The following MTREX variants were observed in gnomAD, a reference collection of about 807,000 sequenced individuals.
MTREX encodes the protein Mtr4 exosome RNA helicase.
MTREX carries 76 observed loss-of-function variants against 135.4 expected under a neutral mutation model. The ratio of observed to expected loss-of-function variants is 0.56; its 90% CI spans 0.47 to 0.68. The LOEUF is 0.68. MTREX is among the 30% of genes least tolerant of loss of function. The pLI, the probability that MTREX is intolerant of heterozygous loss-of-function variation, is 0.00. For synonymous variants in MTREX, 404 were observed against 401.6 expected (o/e 1.01, Z -0.07); for missense variants, 920 against 1,262.1 (o/e 0.73, Z 4.11).
At chr5:55,404,818 T>TC in intron 21 of MTREX, among the ~76,000 whole-genome samples, 2 of 151,800 alleles carry the variant, frequency 1.3e-5, no homozygotes, top group Non-Finnish European at 2.9e-5. Context: ...TTCTTTTTTT[T>TC]TTTTAAGACG....
At chr5:55,356,310 A>G (rs1749911379) in intron 14 of MTREX, 1 of 155,234 alleles carries the variant, frequency 6.4e-6, no homozygotes, top group Admixed American at 6.5e-5. Flanking sequence ...TGGGTCAGCC[A>G]TTGTACTGTT....
intron 16 of MTREX, among the ~76,000 whole-genome samples, chr5:55,376,053 A>G (rs1408766816): frequency 9.2e-5 from 14 of 152,252 alleles, no homozygotes; most frequent in Non-Finnish European, 2.9e-5. Flanking sequence ...AATTTACTAT[A>G]GTGGAGCCCC....
chr5:55,365,991 A>G (rs1425847050), intron 15 of MTREX, among the ~76,000 whole-genome samples: 1 of 144,110 alleles, frequency 6.9e-6, no homozygotes, highest in African/African-American at 2.6e-5. Flanking sequence ...ACCCCATCTA[A>G]AAAAAAAAAA....
intron 13 of MTREX, among the ~76,000 whole-genome samples, chr5:55,351,989 T>A (rs10073706): frequency 0.14 from 21,124 of 151,368 alleles, 1,822 homozygotes; most frequent in East Asian, 0.26. Context: ...CCCCAACTAA[T>A]TTTTTTTTCT....
At chr5:55,393,412 CTGTG>C (rs1284379695) in intron 19 of MTREX, among the ~76,000 whole-genome samples, 3 of 152,284 alleles carry the variant, frequency 2.0e-5, no homozygotes, top group East Asian at 3.9e-4. Flanking sequence ...GTTAAAATAA[CTGTG>C]TGTGCCATGA....
chr5:55,316,495 A>G (rs1749200372), intron 1 of MTREX, among the ~76,000 whole-genome samples: 1 of 152,152 alleles, frequency 6.6e-6, no homozygotes, highest in African/African-American at 2.4e-5. Flanking sequence ...ATATCAACAA[A>G]TGTGAGTCAT....
chr5:55,388,184 A>ATGTTC, intron 19 of MTREX, 82 bp downstream of exon 19: 1 of 1,244,252 alleles, frequency 8.0e-7, no homozygotes, highest in Non-Finnish European at 1.1e-6. Context: ...ATGTGATGGT[A>ATGTTC]ATGAACATAC....
intron 23 of MTREX, among the ~76,000 whole-genome samples, chr5:55,412,432 G>GA (rs1750897604): frequency 2.6e-5 from 4 of 152,102 alleles, no homozygotes; most frequent in Non-Finnish European, 5.9e-5. Context: ...CAGTGTACAG[G>GA]TCTAAGCACC....
chr5:55,334,449 C>T (rs1240720651), intron 5 of MTREX, among the ~76,000 whole-genome samples: 1 of 152,062 alleles, frequency 6.6e-6, no homozygotes, highest in Non-Finnish European at 1.5e-5. Context: ...ACTCCTACTT[C>T]ACCTGTTAAC....
At position 55,358,558 on chromosome 5, in the gene MTREX, A is replaced by G. The variant is rs763720395; in HGVS notation, c.1534-15A>G. ...TTTTTTTCCTAAACTCTGAATTTTA[A>G]CTATGTTCATTCAGATTTCTTCTGG... is the stretch of plus-strand genomic sequence containing the variant. On this transcript the variant is annotated splice_polypyrimidine_tract_variant and intron_variant, in intron 14 of 26. Coordinates refer to ENST00000230640, the MANE Select transcript of MTREX (RefSeq NM_015360.5). 1.3e-6 allele frequency: 2 copies of G among 1,576,926 alleles called. No homozygotes were observed. The highest frequency in any genetic ancestry group is 8.5e-7 in the Non-Finnish European group (1 of 1,170,158).
intron 1 of MTREX, among the ~76,000 whole-genome samples, chr5:55,313,060 A>G (rs1448900786): frequency 1.3e-5 from 2 of 152,066 alleles, no homozygotes; most frequent in Admixed American, 6.6e-5. Context: ...TCATACTGAC[A>G]TTTCCAGTAC....
chr5:55,313,997 T>TTA (rs1259650200), intron 1 of MTREX, among the ~76,000 whole-genome samples: 3 of 152,188 alleles, frequency 2.0e-5, no homozygotes, highest in African/African-American at 7.2e-5. Context: ...TTTTTTTTTT[T>TTA]TAACAACTGC....
intron 18 of MTREX, among the ~76,000 whole-genome samples, chr5:55,384,998 A>G (rs916350238): frequency 6.6e-6 from 1 of 151,962 alleles, no homozygotes; most frequent in African/African-American, 2.4e-5. Flanking sequence ...TTTCACCACA[A>G]CCTCTGCTGT....
chr5:55,394,144 G>A (rs802849), intron 19 of MTREX, among the ~76,000 whole-genome samples: 130,890 of 152,238 alleles, frequency 0.86, 56,658 homozygotes, highest in South Asian at 0.92. Context: ...TATTGAATTC[G>A]ACTACAGGTA....
chr5:55,388,202 A>G (rs1750510078), intron 19 of MTREX, 100 bp downstream of exon 19: 2 of 1,026,250 alleles, frequency 1.9e-6, no homozygotes, highest in African/African-American at 3.2e-5. Flanking sequence ...TACTATCATG[A>G]TTTCTAAATT....
intron 5 of MTREX, among the ~76,000 whole-genome samples, chr5:55,332,928 T>G (rs1182972474): frequency 3.9e-5 from 6 of 152,144 alleles, no homozygotes; most frequent in Non-Finnish European, 7.4e-5. Context: ...CTGGTCATTG[T>G]GTTATTAATT....
chr5:55,314,958 G>A lies in MTREX; in HGVS notation c.134+6811G>A, dbSNP rs112109251. ...CTGGAGGCAGAGCTCAGGTGATAAT[G>A]TTCACTCACTCGCTGCTCACTTCCT... On this transcript the variant is annotated intron_variant, in intron 1 of 26. Coordinates refer to ENST00000230640, the MANE Select transcript of MTREX (RefSeq NM_015360.5). Among the ~76,000 whole-genome samples, 930 of 152,298 alleles carry A rather than the reference G, an allele frequency of 6.1e-3. 8 individuals carry two copies. The highest frequency in any genetic ancestry group is 0.022 in the African/African-American group (897 of 41,558).
intron 15 of MTREX, among the ~76,000 whole-genome samples, chr5:55,365,978 G>A (rs1186023876): frequency 5.0e-4 from 74 of 148,270 alleles, no homozygotes; most frequent in African/African-American, 1.7e-3. Context: ...GCTACACAGC[G>A]AGACCCCATC....
At chr5:55,386,301 A>C (rs1227217094) in intron 18 of MTREX, among the ~76,000 whole-genome samples, 2 of 152,188 alleles carry the variant, frequency 1.3e-5, no homozygotes, top group African/African-American at 2.4e-5. Context: ...GAATAAAGAG[A>C]AGCTAGGAAA....
Sources: gnomAD v4.1 joint callset for allele counts (sites outside exome capture counted in the v4.1 genomes callset) on GRCh38, gnomAD v4.1.1 for gene constraint, MANE v1.5 for transcripts, NCBI Gene and HGNC (gene_info 2026-07-23, HGNC 2026-07-21) for gene names.